The following SAP30BP variants were observed in gnomAD, a reference collection of about 807,000 sequenced individuals.
The protein encoded by SAP30BP is SAP30-binding protein.
A neutral mutation model predicts 46.3 loss-of-function variants in SAP30BP; 31 were observed. The observed-to-expected ratio is 0.67, with a 90% confidence interval of 0.50 to 0.90. SAP30BP has a LOEUF of 0.90. SAP30BP is among the 40% of genes least tolerant of loss of function. The probability of loss-of-function intolerance (pLI) is 0.00; values close to 1 mark genes in which losing one functional copy is unlikely to be tolerated. For synonymous variants in SAP30BP, 169 were observed against 144.2 expected (o/e 1.17, Z -1.23); for missense variants, 312 against 391.0 (o/e 0.80, Z 1.70).
chr17:75,671,726 T>C (rs1043724579), intron 2 of SAP30BP, 90 bp from the exon 3 acceptor site: 1 of 953,070 alleles, frequency 1.0e-6, no homozygotes, highest in African/African-American at 1.6e-5. Context: ...GCTGGGTAAA[T>C]GGGCTGTTTG....
chr17:75,706,418 C>G lies in SAP30BP; in HGVS notation c.824C>G (p.Thr275Arg). 6.2e-7 allele frequency: 1 copy of G among 1,614,202 alleles called. No individual in the cohort carries two copies. Among genetic ancestry groups the G allele is most frequent in the East Asian group, 2.2e-5 (1 of 44,878 alleles). Residue 275 changes from threonine to arginine, a missense_variant, in exon 11 of 11, where the codon ACA becomes AGA. Coordinates refer to ENST00000584667, the MANE Select transcript of SAP30BP (RefSeq NM_013260.8). This position sits in a 1 kb window ranked among gnomAD's most constrained non-coding sequence, Gnocchi z 4.6. ...TIAQPTILTT[T>R]ATLPAVVTVT... ...GCCCAGCCCACCATCCTCACCACCACAGCCACCCTGCCAGCTGTTGTCACG... is the reference window on the plus strand; with the variant it reads ...GCCCAGCCCACCATCCTCACCACCAGAGCCACCCTGCCAGCTGTTGTCACG...
At position 75,706,758 on chromosome 17, in the gene SAP30BP, C is replaced by T. The variant is rs1419329847; in HGVS notation, c.*237C>T. The stretch of plus-strand genomic sequence containing the variant: ...GCCTATTAAAAGTGCCGTATTCTTA[C>T]CTCTTGGCATCTCAGATGCACTGGC... On this transcript the variant is annotated 3_prime_UTR_variant, in exon 11 of 11. Coordinates refer to ENST00000584667, the MANE Select transcript of SAP30BP (RefSeq NM_013260.8). The surrounding 1 kb of genome is among the most constrained non-coding windows in gnomAD (Gnocchi z 4.6). The T allele has an allele frequency of 4.9e-5, 27 of 552,868 alleles. No homozygotes were observed. In the South Asian group the frequency reaches 5.3e-4, roughly 11 times the overall value. The allele number at this position is 552,868 out of a possible 1,614,324, so 34.2% of individuals were successfully genotyped here.
chr17:75,692,612 T>C (rs1275464643), intron 3 of SAP30BP: 4 of 639,320 alleles, frequency 6.3e-6, no homozygotes, highest in Non-Finnish European at 5.8e-6. Context: ...TTTCTCAGCA[T>C]TGATTTTGGT....
intron 1 of SAP30BP, 43 bp downstream of exon 1, chr17:75,667,521 G>T (rs2059809784): frequency 6.4e-7 from 1 of 1,561,584 alleles, no homozygotes; most frequent in East Asian, 2.2e-5. Context: ...TCGGGTGTCT[G>T]CCCGGAATGC....
chr17:75,704,650 A>T, intron 8 of SAP30BP, 106 bp from the exon 9 acceptor site: 1 of 855,690 alleles, frequency 1.2e-6, no homozygotes, highest in East Asian at 2.5e-5. Flanking sequence ...CACTGAGCCC[A>T]TGAAGGCCTT....
In SAP30BP at chr17:75,706,380, A is replaced by G. The variant is rs2060497955; in HGVS notation, c.786A>G (p.Pro262=). The change falls in exon 11 of 11, where the codon CCA becomes CCG. Residue 262 remains proline (P), a synonymous_variant. Transcript: ENST00000584667. The surrounding 1 kb of genome is among the most constrained non-coding windows in gnomAD (Gnocchi z 4.6). ...AGAGCAAGTGGGATTCGGCTATCCCAGTGACAACGATAGCCCAGCCCACCA... is the reference window on the plus strand; with the variant it reads ...AGAGCAAGTGGGATTCGGCTATCCCGGTGACAACGATAGCCCAGCCCACCA... ...KRKSKWDSAI[P]VTTIAQPTIL... 2.5e-6 allele frequency: 4 copies of G among 1,614,042 alleles called. No individual in the cohort carries two copies. In the South Asian group the frequency reaches 3.3e-5, roughly 13 times the overall value.
chr17:75,685,339 C>G (rs1349658555), intron 3 of SAP30BP, among the ~76,000 whole-genome samples: 1 of 152,224 alleles, frequency 6.6e-6, no homozygotes, highest in African/African-American at 2.4e-5. Context: ...TCCTGAAATG[C>G]TGCTGTGTGA....
intron 3 of SAP30BP, among the ~76,000 whole-genome samples, chr17:75,676,046 T>C (rs1267333031): frequency 3.3e-5 from 5 of 152,270 alleles, no homozygotes; most frequent in Non-Finnish European, 7.3e-5. Context: ...TCTGGCTTAA[T>C]AGAATATGGC....
At chr17:75,696,291 T>C (rs2060316685) in intron 4 of SAP30BP, among the ~76,000 whole-genome samples, 1 of 149,882 alleles carries the variant, frequency 6.7e-6, no homozygotes, top group East Asian at 2.0e-4. Flanking sequence ...TCCCAGCACT[T>C]GGGGAGGCTG....
At chr17:75,668,734 T>C in intron 2 of SAP30BP, 109 bp downstream of exon 2, 1 of 691,774 alleles carries the variant, frequency 1.4e-6, no homozygotes, top group East Asian at 3.0e-5. Flanking sequence ...TCCCTTGCTC[T>C]CCCGTTTTGT....
At chr17:75,684,317 G>A (rs2060126329) in intron 3 of SAP30BP, 1 of 152,266 alleles carries the variant, frequency 6.6e-6, no homozygotes, top group African/African-American at 2.4e-5. Flanking sequence ...CGTTTAGGGT[G>A]TCATGTGGGG....
chr17:75,668,328 TC>T (rs2059839139), intron 1 of SAP30BP, among the ~76,000 whole-genome samples, 187 bp from the exon 2 acceptor site: 1 of 152,218 alleles, frequency 6.6e-6, no homozygotes, highest in Non-Finnish European at 1.5e-5. Flanking sequence ...ATGATTTTAT[TC>T]AGTAAATGCT....
chr17:75,694,284 C>T (rs774706705), intron 4 of SAP30BP, among the ~76,000 whole-genome samples: 6 of 152,194 alleles, frequency 3.9e-5, no homozygotes, highest in African/African-American at 9.7e-5. Context: ...GTCAGTCCTT[C>T]CCACCCAGGC....
At chr17:75,669,581 T>G (rs12948585) in intron 2 of SAP30BP, among the ~76,000 whole-genome samples, 147,290 of 152,220 alleles carry the variant, frequency 0.97, 71,379 homozygotes, top group East Asian at 1. Flanking sequence ...TGTAGAGACG[T>G]TGTTTCACTA....
chr17:75,705,404 A>G (rs1166389336), intron 9 of SAP30BP: 1 of 164,664 alleles, frequency 6.1e-6, no homozygotes, highest in East Asian at 1.8e-4. Context: ...CGGCCTGACC[A>G]TCCTCAAGCA....
At chr17:75,674,702 T>TTG (rs1383234179) in intron 3 of SAP30BP, among the ~76,000 whole-genome samples, 1,137 of 51,740 alleles carry the variant, frequency 0.022, 35 homozygotes, top group East Asian at 0.062. Context: ...TTTTTGTTTT[T>TTG]TTTTTTTTTT....
rs1355482400 is a variant in SAP30BP at position 75,672,047 on chromosome 17, C to T, written c.264+184C>T. On this transcript the variant is annotated intron_variant, in intron 3 of 10. Coordinates refer to ENST00000584667, the MANE Select transcript of SAP30BP (RefSeq NM_013260.8). ...GAGACAACTCAGGAATGAACAAATC[C>T]TGAGACACATTGGATTTCCAGCCTT... The T allele has an allele frequency of 4.0e-5, 24 of 598,302 alleles. No homozygotes were observed. The Admixed American group carries it at 5.2e-4, about 13-fold the overall frequency. The allele number at this position is 598,302 out of a possible 1,614,324, so 37.1% of individuals were successfully genotyped here.
intron 4 of SAP30BP, among the ~76,000 whole-genome samples, chr17:75,697,369 T>G (rs1470223636): frequency 6.6e-6 from 1 of 152,170 alleles, no homozygotes; most frequent in East Asian, 1.9e-4. Context: ...AACCTCAGCC[T>G]TGGCACTTTC....
intron 4 of SAP30BP, among the ~76,000 whole-genome samples, chr17:75,696,892 C>G (rs2060329593): frequency 6.6e-6 from 1 of 151,746 alleles, no homozygotes; most frequent in Non-Finnish European, 1.5e-5. Context: ...ATTCTCCTGC[C>G]TCAGCCTCCC....
Sources: gnomAD v4.1 joint callset for allele counts (sites outside exome capture counted in the v4.1 genomes callset) on GRCh38, gnomAD v4.1.1 for gene constraint, Gnocchi (gnomAD v3.1) non-coding constraint, MANE v1.5 for transcripts, NCBI Gene and HGNC (gene_info 2026-07-23, HGNC 2026-07-21) for gene names.